Variants in MAP2K6 observed in about 807,000 individuals in gnomAD.
The protein encoded by MAP2K6 is mitogen-activated protein kinase kinase 6.
Under a neutral mutation model 53.7 loss-of-function variants are expected in MAP2K6, and 16 were observed. That is an observed-to-expected ratio of 0.30 (90% CI 0.20 to 0.45). MAP2K6 has a LOEUF of 0.45. Ranked by LOEUF, MAP2K6 falls within the 20% of genes least tolerant of loss-of-function variation. MAP2K6 has a pLI of 1.00. For missense variants in MAP2K6, 204 were observed against 411.9 expected (o/e 0.50, Z 4.37); for synonymous variants, 132 against 143.1 (o/e 0.92, Z 0.55).
At chr17:69,456,158 T>TCCTG (rs1907405733) in intron 1 of MAP2K6, among the ~76,000 whole-genome samples, 1 of 152,190 alleles carries the variant, frequency 6.6e-6, no homozygotes, top group Admixed American at 6.5e-5. Context: ...ACAGCTCCTG[T>TCCTG]CCTGGCCTTT....
In MAP2K6 at chr17:69,494,513, A is replaced by G. The variant is rs1908867935; in HGVS notation, c.17-11267A>G. On this transcript the variant is annotated intron_variant, in intron 1 of 11. Transcript: ENST00000590474. The surrounding 1 kb of genome is among the most constrained non-coding windows in gnomAD (Gnocchi z 4.2). The stretch of plus-strand genomic sequence containing the variant: ...ACTCTGTCTTTAAAAAAAAAAAGAA[A>G]GGAAAAAACAAAATGAATGGAGAGC... Among the ~76,000 whole-genome samples the G allele has an allele frequency of 6.6e-6, 1 of 151,882 alleles. No homozygotes were observed. The highest frequency in any genetic ancestry group is 6.6e-5 in the Admixed American group (1 of 15,238).
chr17:69,491,108 T>TTTCCTTCCTTCCTTCCTTCCTTCCTTCC (rs34072741), intron 1 of MAP2K6, among the ~76,000 whole-genome samples: 1 of 148,740 alleles, frequency 6.7e-6, no homozygotes, highest in African/African-American at 2.6e-5. Flanking sequence ...CATTGTCTTT[T>TTTCCTTCCTTCCTTCCTTCCTTCCTTCC]TTCCTTCCTT....
intron 1 of MAP2K6, among the ~76,000 whole-genome samples, chr17:69,456,622 A>G (rs375148708): frequency 6.6e-6 from 1 of 152,152 alleles, no homozygotes; most frequent in African/African-American, 2.4e-5. Flanking sequence ...AGTGGGGTCT[A>G]GGCATCTGGT....
chr17:69,475,169 T>G (rs935736243), intron 1 of MAP2K6, among the ~76,000 whole-genome samples: 1 of 144,118 alleles, frequency 6.9e-6, no homozygotes, highest in African/African-American at 2.7e-5. Flanking sequence ...TCTGTGTTTT[T>G]TTTTTTTTTT....
At chr17:69,446,749 A>C (rs1471736364) in intron 1 of MAP2K6, among the ~76,000 whole-genome samples, 1 of 152,098 alleles carries the variant, frequency 6.6e-6, no homozygotes, top group East Asian at 1.9e-4. Flanking sequence ...TACCCCCCAC[A>C]GACGCCAAAG....
chr17:69,502,950 G>T (rs1776280182), intron 1 of MAP2K6, among the ~76,000 whole-genome samples: 1 of 152,150 alleles, frequency 6.6e-6, no homozygotes, highest in African/African-American at 2.4e-5. Context: ...TTCCAAAGGG[G>T]TTTTCTCAAT....
chr17:69,449,408 G>T (rs1453471294), intron 1 of MAP2K6, among the ~76,000 whole-genome samples: 2 of 151,638 alleles, frequency 1.3e-5, no homozygotes, highest in Non-Finnish European at 2.9e-5. Flanking sequence ...TTTTGCAGAA[G>T]TTTTTTTGTG....
intron 10 of MAP2K6, among the ~76,000 whole-genome samples, chr17:69,528,603 A>C (rs894888307): frequency 2.0e-5 from 3 of 152,032 alleles, no homozygotes; most frequent in Non-Finnish European, 4.4e-5. Context: ...TCACGCCTGT[A>C]ATTCCAGCAC....
In MAP2K6 at chr17:69,544,455, A is replaced by G. The variant is rs1466543924; in HGVS notation, c.*2702A>G. On this transcript the variant is annotated 3_prime_UTR_variant, in exon 12 of 12. Coordinates refer to ENST00000590474, the MANE Select transcript of MAP2K6 (RefSeq NM_002758.4). ...CCTAAACTATATATAAATGGGGAGT[A>G]TTCTGTACATATAGACTTATATATA... 6.6e-6 allele frequency: 1 copy of G among 152,222 alleles called. No homozygotes were observed. The highest frequency in any genetic ancestry group is 1.5e-5 in the Non-Finnish European group (1 of 68,032). 9.4% of individuals were successfully genotyped at this position (152,222 alleles called of 1,614,324 possible). A position where few individuals can be genotyped will look rare whatever the true frequency, so the allele number is the denominator to read the frequency against.
chr17:69,512,068 G>A (rs998111137), intron 2 of MAP2K6, among the ~76,000 whole-genome samples: 1 of 151,920 alleles, frequency 6.6e-6, no homozygotes, highest in African/African-American at 2.4e-5. Flanking sequence ...CTAGTGTAGT[G>A]CCTGGTGCAT....
At chr17:69,540,289 G>A (rs999275123) in intron 11 of MAP2K6, among the ~76,000 whole-genome samples, 3 of 152,180 alleles carry the variant, frequency 2.0e-5, no homozygotes, top group Non-Finnish European at 2.9e-5. Flanking sequence ...TCACTTATGT[G>A]TCTGGATGTA....
chr17:69,543,396 G>A lies in MAP2K6; in HGVS notation c.*1643G>A, dbSNP rs530135585. Reference sequence around the variant, plus strand: ...TTTCCTCCTTGTTCTTGACAAGGAGGAGTTGCTCCTGCCCAGAATGAGCGT... The same window carrying A: ...TTTCCTCCTTGTTCTTGACAAGGAGAAGTTGCTCCTGCCCAGAATGAGCGT... On this transcript the variant is annotated 3_prime_UTR_variant, in exon 12 of 12. Coordinates refer to ENST00000590474, the MANE Select transcript of MAP2K6 (RefSeq NM_002758.4). 1 of 152,148 alleles carries A rather than the reference G, an allele frequency of 6.6e-6. No individual in the cohort carries two copies. Among genetic ancestry groups the A allele is most frequent in the African/African-American group, 2.4e-5 (1 of 41,524 alleles). 9.4% of individuals were successfully genotyped at this position (152,148 alleles called of 1,614,324 possible). A position where few individuals can be genotyped will look rare whatever the true frequency, so the allele number is the denominator to read the frequency against.
At chr17:69,516,786 G>A (rs1043698506) in intron 2 of MAP2K6, 69 bp from the exon 3 acceptor site, 73 of 1,148,658 alleles carry the variant, frequency 6.4e-5, no homozygotes, top group Non-Finnish European at 7.8e-5. Flanking sequence ...CCTCAGTGGT[G>A]TGTGATTTGG....
At chr17:69,484,460 C>T (rs73363645) in intron 1 of MAP2K6, among the ~76,000 whole-genome samples, 21 of 151,708 alleles carry the variant, frequency 1.4e-4, no homozygotes, top group Non-Finnish European at 2.9e-4. Flanking sequence ...AAATTGGAAC[C>T]CTTTACATTG....
chr17:69,512,345 T>TG (rs1909885762), intron 2 of MAP2K6, among the ~76,000 whole-genome samples: 1 of 130,058 alleles, frequency 7.7e-6, no homozygotes, highest in Non-Finnish European at 1.6e-5. Flanking sequence ...TTTTGTTTTT[T>TG]TTTTTTTTTT....
rs113183584 is a variant in MAP2K6 at position 69,494,832 on chromosome 17, C to G, written c.17-10948C>G. On this transcript the variant is annotated intron_variant, in intron 1 of 11. Coordinates refer to ENST00000590474, the MANE Select transcript of MAP2K6 (RefSeq NM_002758.4). This position sits in a 1 kb window ranked among gnomAD's most constrained non-coding sequence, Gnocchi z 4.2. ...ACCAGCCTGGCCAACATGGCGAAAC[C>G]CTGTTTCTACTAAAAATACAAAATT... is the stretch of plus-strand genomic sequence containing the variant. 0.013 allele frequency among the ~76,000 whole-genome samples: 1,948 copies of G among 151,870 alleles called. 39 individuals are homozygous for G. Among genetic ancestry groups the G allele is most frequent in the African/African-American group, 0.044 (1,841 of 41,394 alleles).
At chr17:69,524,620 A>T (rs1910664767) in intron 8 of MAP2K6, among the ~76,000 whole-genome samples, 1 of 152,110 alleles carries the variant, frequency 6.6e-6, no homozygotes, top group African/African-American at 2.4e-5. Context: ...GTAGCTTTAT[A>T]ATGTATACCC....
intron 6 of MAP2K6, chr17:69,520,608 C>T: frequency 2.0e-6 from 1 of 509,508 alleles, no homozygotes; most frequent in Admixed American, 3.8e-5. Context: ...TTAAATGACT[C>T]TAAGTGCTGC....
intron 10 of MAP2K6, among the ~76,000 whole-genome samples, chr17:69,529,787 A>G (rs1173941681): frequency 6.6e-6 from 1 of 152,170 alleles, no homozygotes; most frequent in Non-Finnish European, 1.5e-5. Context: ...CTAGGATTAC[A>G]GGCTTGAGCC....
Sources: gnomAD v4.1 joint callset for allele counts (sites outside exome capture counted in the v4.1 genomes callset) on GRCh38, gnomAD v4.1.1 for gene constraint, Gnocchi (gnomAD v3.1) non-coding constraint, MANE v1.5 for transcripts, NCBI Gene and HGNC (gene_info 2026-07-23, HGNC 2026-07-21) for gene names.